The following FAAH2 variants were observed in gnomAD, a reference collection of about 807,000 sequenced individuals.
FAAH2 encodes the protein fatty-acid amide hydrolase 2.
FAAH2 carries 60 observed loss-of-function variants against 36.9 expected under a neutral mutation model. The observed-to-expected ratio is 1.63, with a 90% CI of 1.32 to 2.02. The LOEUF is 2.02. FAAH2 is among the 30% of genes most tolerant of loss of function. The probability of loss-of-function intolerance (pLI) is 0.00; values close to 1 mark genes in which losing one functional copy is unlikely to be tolerated. For missense variants in FAAH2, 689 were observed against 397.5 expected, an observed-to-expected ratio of 1.73 and a Z score of -6.23; for synonymous variants, 214 against 143.8, an observed-to-expected ratio of 1.49 and a Z score of -3.49.
intron 3 of FAAH2, among the ~76,000 whole-genome samples, chrX:57,314,516 T>A (rs1306596502): frequency 9.0e-6 from 1 of 111,531 alleles, no homozygotes; most frequent in East Asian, 2.8e-4. Context: ...TATTGAATCT[T>A]ACCATGCACA....
At chrX:57,296,567 C>A (rs1441748484) in intron 2 of FAAH2, among the ~76,000 whole-genome samples, 5 of 112,050 alleles carry the variant, frequency 4.5e-5, no homozygotes, top group Non-Finnish European at 9.4e-5. Flanking sequence ...CAAAGGAATG[C>A]AGCTACTAAT....
At chrX:57,258,880 G>GT in the FAAH2 span, among the ~76,000 whole-genome samples, 832 of 93,699 alleles carry the variant, frequency 8.9e-3, 6 homozygotes, top group African/African-American at 0.023. Flanking sequence ...GGCTAATTTT[G>GT]TTTTTTTTTT....
intron 5 of FAAH2, among the ~76,000 whole-genome samples, chrX:57,365,548 C>T (rs1235736553): frequency 8.9e-6 from 1 of 111,757 alleles, no homozygotes; most frequent in Non-Finnish European, 1.9e-5. Flanking sequence ...GCATGGTTGT[C>T]TTGTGTAGTA....
At chrX:57,251,994 T>C in the FAAH2 span, among the ~76,000 whole-genome samples, 2 of 112,158 alleles carry the variant, frequency 1.8e-5, no homozygotes, top group Non-Finnish European at 3.8e-5. Context: ...GTACACTCCT[T>C]TCCAAATGCT....
At chrX:57,168,246 G>A in the FAAH2 span, among the ~76,000 whole-genome samples, 1 of 110,349 alleles carries the variant, frequency 9.1e-6, no homozygotes, top group East Asian at 2.9e-4. Flanking sequence ...GGAATCATCA[G>A]TTTTTCCAAG....
the FAAH2 span, among the ~76,000 whole-genome samples, chrX:57,185,068 T>A: frequency 8.9e-6 from 1 of 111,794 alleles, no homozygotes; most frequent in African/African-American, 3.2e-5. Flanking sequence ...GCATTTATTA[T>A]TTGTGTTACA....
At chrX:57,126,621 G>A in the FAAH2 span, among the ~76,000 whole-genome samples, 3 of 111,758 alleles carry the variant, frequency 2.7e-5, no homozygotes, top group Non-Finnish European at 5.7e-5. Context: ...GCAAAAAGAG[G>A]GAGACTGTCC....
chrX:57,286,027 G>C (rs908519074), upstream of FAAH2, among the ~76,000 whole-genome samples: 1 of 111,503 alleles, frequency 9.0e-6, no homozygotes, highest in African/African-American at 3.3e-5. Flanking sequence ...TGGCATGGCT[G>C]ACTGGGTGGA....
chrX:57,244,194 G>GA, the FAAH2 span, among the ~76,000 whole-genome samples: 17 of 109,272 alleles, frequency 1.6e-4, 1 homozygote, highest in South Asian at 6.4e-3. Context: ...CAAGATTAGA[G>GA]AAAAAAGAAT....
At chrX:57,192,872 CTT>C in the FAAH2 span, among the ~76,000 whole-genome samples, 1 of 112,118 alleles carries the variant, frequency 8.9e-6, no homozygotes, top group Non-Finnish European at 1.9e-5. Flanking sequence ...CTATGCCTGT[CTT>C]TACTTTAATC....
rs191844810 is a variant in FAAH2 at position 57,368,967 on chromosome X, C to A, written c.743-9684C>A. On this transcript the variant is annotated intron_variant, in intron 5 of 10. Coordinates refer to ENST00000374900, the MANE Select transcript of FAAH2 (RefSeq NM_174912.4). The stretch of plus-strand genomic sequence containing the variant: ...TACAAGAGTACACAGACACACACTG[C>A]AACAAAATCAGAAAAACAATTCATA... 4.1e-3 allele frequency among the ~76,000 whole-genome samples: 450 copies of A among 108,567 alleles called. 3 individuals carry two copies. Among genetic ancestry groups the A allele is most frequent in the African/African-American group, 0.015 (434 of 29,781 alleles). The allele number at this position is 108,567 out of a possible 115,157, so 94.3% of individuals were successfully genotyped here. A position where few individuals can be genotyped will look rare whatever the true frequency, so the allele number is the denominator to read the frequency against.
chrX:57,231,624 A>G, the FAAH2 span, among the ~76,000 whole-genome samples: 1 of 111,826 alleles, frequency 8.9e-6, no homozygotes, highest in Non-Finnish European at 1.9e-5. Flanking sequence ...GAGGTAGATA[A>G]TATTGTTATC....
chrX:57,483,161 G>T (rs777742408), intron 10 of FAAH2, among the ~76,000 whole-genome samples: 73 of 110,915 alleles, frequency 6.6e-4, no homozygotes, highest in Non-Finnish European at 5.9e-4. Flanking sequence ...TATAGGTTTT[G>T]TTGCTTTACA....
chrX:57,344,507 A>T (rs1313753554), intron 5 of FAAH2, among the ~76,000 whole-genome samples: 1 of 110,740 alleles, frequency 9.0e-6, no homozygotes, highest in Non-Finnish European at 1.9e-5. Flanking sequence ...CTTTTGGGAG[A>T]GTCTTTTTGA....
chrX:57,176,759 A>C, the FAAH2 span, among the ~76,000 whole-genome samples: 1 of 111,602 alleles, frequency 9.0e-6, no homozygotes, highest in Non-Finnish European at 1.9e-5. Flanking sequence ...GCTTTTATAA[A>C]GTAATTTTTC....
the FAAH2 span, among the ~76,000 whole-genome samples, chrX:57,148,333 A>G: frequency 1.8e-5 from 2 of 111,751 alleles, no homozygotes; most frequent in South Asian, 3.8e-4. Flanking sequence ...ATGGCATTGA[A>G]TCTATAAATT....
the FAAH2 span, among the ~76,000 whole-genome samples, chrX:57,249,735 G>C: frequency 9.0e-6 from 1 of 111,731 alleles, no homozygotes; most frequent in African/African-American, 3.2e-5. Flanking sequence ...GGTATACTAT[G>C]TTTGCTTGAC....
chrX:57,449,681 TC>T (rs1448020763), intron 10 of FAAH2, among the ~76,000 whole-genome samples: 2 of 110,459 alleles, frequency 1.8e-5, no homozygotes, highest in Non-Finnish European at 3.8e-5. Flanking sequence ...CTTCCTTCCT[TC>T]CTTCTTGGAG....
At chrX:57,161,110 G>A in the FAAH2 span, among the ~76,000 whole-genome samples, 1 of 111,929 alleles carries the variant, frequency 8.9e-6, no homozygotes, top group Non-Finnish European at 1.9e-5. Context: ...CCTTCATTTT[G>A]TTATGTACCC....
Sources: gnomAD v4.1 joint callset for allele counts (sites outside exome capture counted in the v4.1 genomes callset) on GRCh38, gnomAD v4.1.1 for gene constraint, MANE v1.5 for transcripts, NCBI Gene and HGNC (gene_info 2026-07-23, HGNC 2026-07-21) for gene names.